Variants in EFCAB6 observed in about 807,000 individuals in gnomAD.
EFCAB6 encodes EF-hand calcium-binding domain-containing protein 6.
EFCAB6 carries 156 observed loss-of-function variants against 169.8 expected under a neutral mutation model. That is an observed-to-expected ratio of 0.92 (90% CI 0.81 to 1.05). The LOEUF (loss-of-function observed/expected upper bound fraction) is 1.05, where lower values mean the gene tolerates loss of function less well. EFCAB6 is among the 50% of genes least tolerant of loss of function. The pLI is 0.00. For missense variants in EFCAB6, 1,800 were observed against 1,829.1 expected (o/e 0.98, Z 0.29); for synonymous variants, 698 against 676.4 (o/e 1.03, Z -0.50).
chr22:43,738,214 G>T (rs1406624496), intron 6 of EFCAB6, among the ~76,000 whole-genome samples: 1 of 138,604 alleles, frequency 7.2e-6, no homozygotes, highest in Non-Finnish European at 1.5e-5. Flanking sequence ...TCACACACGT[G>T]CATATACTCA....
intron 31 of EFCAB6, 114 bp downstream of exon 31, chr22:43,530,700 GC>G (rs2047001879): frequency 6.5e-7 from 1 of 1,539,038 alleles, no homozygotes; most frequent in African/African-American, 1.4e-5. Context: ...ATCTGAAGCA[GC>G]CAGGTCACAC....
At chr22:43,571,908 C>T (rs533763559) in intron 26 of EFCAB6, among the ~76,000 whole-genome samples, 6 of 152,310 alleles carry the variant, frequency 3.9e-5, no homozygotes, top group South Asian at 4.1e-4. Flanking sequence ...AGGATTTACT[C>T]GTCCTCCTGG....
rs1427500716 is a variant in EFCAB6 at position 43,711,943 on chromosome 22, T to C, written c.883-320A>G. 2.0e-5 allele frequency among the ~76,000 whole-genome samples: 3 copies of C among 152,186 alleles called. 1 individual carries two copies. The highest frequency in any genetic ancestry group is 4.1e-4 in the South Asian group (2 of 4,832). On this transcript the variant is annotated intron_variant, in intron 9 of 31. Coordinates refer to ENST00000262726, the MANE Select transcript of EFCAB6 (RefSeq NM_022785.4). ...TTTGATACATCTTCCTTAATATACTTTCAAGTTTTTCCCTACTGTGAGCCC... is the reference window on the plus strand; with the variant it reads ...TTTGATACATCTTCCTTAATATACTCTCAAGTTTTTCCCTACTGTGAGCCC...
chr22:43,530,765 C>T (rs963290884), intron 31 of EFCAB6, 50 bp downstream of exon 31: 2 of 1,604,534 alleles, frequency 1.2e-6, no homozygotes, highest in African/African-American at 2.7e-5. Context: ...TGGCCGCTGG[C>T]ATTTGGCAGC....
intron 4 of EFCAB6, among the ~76,000 whole-genome samples, chr22:43,770,067 G>C (rs911273383): frequency 2.6e-5 from 4 of 152,212 alleles, no homozygotes; most frequent in African/African-American, 9.6e-5. Flanking sequence ...ATGTTGGTCA[G>C]GCTGGTCTCG....
chr22:43,685,698 T>C (rs1393920516), intron 11 of EFCAB6, among the ~76,000 whole-genome samples: 2 of 152,332 alleles, frequency 1.3e-5, no homozygotes, highest in Admixed American at 1.3e-4. Context: ...TCTGTCACGG[T>C]ATTCTGAATG....
intron 23 of EFCAB6, among the ~76,000 whole-genome samples, chr22:43,597,873 C>T (rs534170022): frequency 2.0e-5 from 3 of 152,240 alleles, no homozygotes; most frequent in African/African-American, 7.2e-5. Flanking sequence ...CACACATACA[C>T]AATGGAACAT....
intron 5 of EFCAB6, chr22:43,759,837 G>A (rs1184388051): frequency 6.6e-6 from 1 of 152,244 alleles, no homozygotes; most frequent in Non-Finnish European, 1.5e-5. Context: ...GGCCAGGACA[G>A]AAGAGATGGC....
At chr22:43,716,668 C>T (rs563096041) in intron 9 of EFCAB6, 180 bp downstream of exon 9, 5 of 583,838 alleles carry the variant, frequency 8.6e-6, no homozygotes, top group African/African-American at 3.9e-5. Flanking sequence ...ATCACCATCA[C>T]GATTATCCAT....
chr22:43,774,771 G>A (rs2061585567), intron 3 of EFCAB6, among the ~76,000 whole-genome samples: 1 of 151,546 alleles, frequency 6.6e-6, no homozygotes, highest in African/African-American at 2.4e-5. Context: ...TGTGGGGCGT[G>A]GCCAGCCTGG....
At position 43,572,885 on chromosome 22, in the gene EFCAB6, A is replaced by T. The variant is rs1196827498; in HGVS notation, c.3420+3412T>A. On this transcript the variant is annotated intron_variant, in intron 26 of 31. Transcript: ENST00000262726. This position sits in a 1 kb window ranked among gnomAD's most constrained non-coding sequence, Gnocchi z 4.0. ...TCAGCGCCTGGTACACATGGGCCAT[A>T]GGAAACACGTGTCATGAGAGAGTGA... Among the ~76,000 whole-genome samples the T allele has an allele frequency of 6.6e-6, 1 of 152,252 alleles. No individual in the cohort carries two copies. The highest frequency in any genetic ancestry group is 1.5e-5 in the Non-Finnish European group (1 of 68,044).
At position 43,659,355 on chromosome 22, in the gene EFCAB6, A is replaced by C. The variant is rs561071044; in HGVS notation, c.1983+7749T>G. Among the ~76,000 whole-genome samples the C allele has an allele frequency of 3.9e-5, 6 of 152,174 alleles. No individual in the cohort carries two copies. The South Asian group carries it at 8.3e-4, about 21-fold the overall frequency. On this transcript the variant is annotated intron_variant, in intron 17 of 31. Transcript: ENST00000262726. ...ATACAAATACTTAATATTTGACTTT[A>C]AAAAAAATCTAATTCAGCTGGGCAT...
At chr22:43,536,598 G>C (rs1005254752) in intron 29 of EFCAB6, 2 of 152,158 alleles carry the variant, frequency 1.3e-5, no homozygotes, top group South Asian at 4.1e-4. Context: ...CTAGCACTCT[G>C]GGAGGCTGAG....
chr22:43,679,359 C>T (rs1156968723), intron 12 of EFCAB6, among the ~76,000 whole-genome samples: 3 of 152,122 alleles, frequency 2.0e-5, no homozygotes, highest in African/African-American at 7.2e-5. Context: ...TCGGGCATTA[C>T]ATTGCCAGAT....
intron 2 of EFCAB6, among the ~76,000 whole-genome samples, chr22:43,806,670 C>A (rs1055858911): frequency 2.0e-5 from 3 of 152,198 alleles, no homozygotes; most frequent in Non-Finnish European, 4.4e-5. Flanking sequence ...GCTCCCAACA[C>A]ACCACGTAGT....
chr22:43,576,352 G>T lies in EFCAB6; in HGVS notation c.3365C>A (p.Thr1122Asn), dbSNP rs557007857. 7.6e-5 allele frequency: 122 copies of T among 1,600,796 alleles called. 3 individuals carry two copies. The South Asian group carries it at 1.3e-3, about 17-fold the overall frequency. The change falls in exon 26 of 32, where the codon ACC becomes AAC. Residue 1122 changes from threonine (T) to asparagine (N), a missense_variant. Coordinates refer to ENST00000262726, the MANE Select transcript of EFCAB6 (RefSeq NM_022785.4). The part of the protein sequence containing the change: ...YFLRKLRIHL[T>N]PYINWKYFLQ... ...AAAATATTTCCAATTTATATAGGGG[G>T]TTAGATGAATTCTTAGTTTCCTCAA... is the stretch of plus-strand genomic sequence containing the variant.
chr22:43,747,719 A>T (rs1161751277), intron 6 of EFCAB6, among the ~76,000 whole-genome samples: 1 of 152,090 alleles, frequency 6.6e-6, no homozygotes, highest in Admixed American at 6.5e-5. Flanking sequence ...CCTAGACTTA[A>T]TGAGCCCCTG....
intron 8 of EFCAB6, among the ~76,000 whole-genome samples, chr22:43,726,630 A>G (rs2059749703): frequency 6.6e-6 from 1 of 152,234 alleles, no homozygotes; most frequent in Non-Finnish European, 1.5e-5. Flanking sequence ...TGGAAAACAG[A>G]GTTCAGGCCT....
chr22:43,672,711 G>A (rs11703827), intron 13 of EFCAB6, among the ~76,000 whole-genome samples: 34,467 of 151,932 alleles, frequency 0.23, 5,136 homozygotes, highest in East Asian at 0.62. Context: ...TTCACCCTCA[G>A]GAGAATGAGG....
Sources: gnomAD v4.1 joint callset for allele counts (sites outside exome capture counted in the v4.1 genomes callset) on GRCh38, gnomAD v4.1.1 for gene constraint, Gnocchi (gnomAD v3.1) non-coding constraint, MANE v1.5 for transcripts, NCBI Gene and HGNC (gene_info 2026-07-23, HGNC 2026-07-21) for gene names.